Variants in CTNNA3 observed in about 807,000 individuals in gnomAD.
CTNNA3 encodes the protein catenin alpha-3.
CTNNA3 carries 76 observed loss-of-function variants against 95.7 expected under a neutral mutation model. The ratio of observed to expected loss-of-function variants is 0.79; its 90% CI spans 0.66 to 0.96. The LOEUF is 0.96. Among genes scored for constraint, CTNNA3 ranks in the 40% least tolerant of loss-of-function variants. The pLI is 0.00. For synonymous variants in CTNNA3, 431 were observed against 374.4 expected (o/e 1.15, Z -1.74); for missense variants, 1,191 against 1,089.8 (o/e 1.09, Z -1.31).
chr10:66,788,865 T>A (rs1840853792), intron 7 of CTNNA3, among the ~76,000 whole-genome samples: 1 of 152,166 alleles, frequency 6.6e-6, no homozygotes, highest in African/African-American at 2.4e-5. Flanking sequence ...CTTTCTTGCA[T>A]CTGGTTTAAG....
intron 5 of CTNNA3, among the ~76,000 whole-genome samples, chr10:67,311,657 T>C (rs1840806307): frequency 6.6e-6 from 1 of 151,054 alleles, no homozygotes; most frequent in Admixed American, 6.6e-5. Flanking sequence ...AAAAATTGAA[T>C]GTTTAGTAAA....
chr10:66,799,041 CA>C (rs1475174462), intron 7 of CTNNA3, among the ~76,000 whole-genome samples: 1 of 151,420 alleles, frequency 6.6e-6, no homozygotes, highest in Non-Finnish European at 1.5e-5. Context: ...AAGAAAAAAC[CA>C]CATGGCTTAA....
intron 5 of CTNNA3, among the ~76,000 whole-genome samples, chr10:67,520,406 A>G (rs1039623066): frequency 1.3e-5 from 2 of 152,188 alleles, no homozygotes; most frequent in Admixed American, 1.3e-4. Context: ...CGATAACAGA[A>G]GAGTACAGTG....
At position 67,614,959 on chromosome 10, in the gene CTNNA3, A is replaced by G. The variant is rs12570389; in HGVS notation, c.100-7910T>C. Among the ~76,000 whole-genome samples, 5,176 of 152,198 alleles carry G rather than the reference A, an allele frequency of 0.034. 616 individuals are homozygous for G. The East Asian group carries it at 0.43, about 13-fold the overall frequency. On this transcript the variant is annotated intron_variant, in intron 2 of 17. Coordinates refer to ENST00000433211, the MANE Select transcript of CTNNA3 (RefSeq NM_013266.4). Reference sequence around the variant, plus strand: ...CATCCTAATCTCTTCTGATAAGGACACCAGTCATATTGGATTAGGGCCCAC... The same window carrying G: ...CATCCTAATCTCTTCTGATAAGGACGCCAGTCATATTGGATTAGGGCCCAC...
chr10:66,895,447 C>A (rs7072747), intron 7 of CTNNA3, among the ~76,000 whole-genome samples: 29 of 151,878 alleles, frequency 1.9e-4, no homozygotes, highest in Admixed American at 4.6e-4. Flanking sequence ...GTTCATTAAG[C>A]GGGAAAATGT....
At chr10:67,705,671 T>C (rs1589576873) in intron 1 of CTNNA3, among the ~76,000 whole-genome samples, 1 of 146,858 alleles carries the variant, frequency 6.8e-6, no homozygotes, top group South Asian at 2.2e-4. Flanking sequence ...GAGATATACC[T>C]AATGCTAAAT....
At chr10:67,080,896 G>A (rs1046557057) in intron 7 of CTNNA3, among the ~76,000 whole-genome samples, 11 of 148,802 alleles carry the variant, frequency 7.4e-5, no homozygotes, top group Admixed American at 6.0e-4. Context: ...GCGAGAGAGC[G>A]AGACTCTGTC....
chr10:66,362,986 T>C (rs551821801), intron 12 of CTNNA3, among the ~76,000 whole-genome samples: 2 of 152,206 alleles, frequency 1.3e-5, no homozygotes, highest in Non-Finnish European at 2.9e-5. Context: ...ATTCCTTCAT[T>C]ATAAACTTAG....
At chr10:66,003,527 G>A (rs967873108) in intron 15 of CTNNA3, among the ~76,000 whole-genome samples, 1 of 152,018 alleles carries the variant, frequency 6.6e-6, no homozygotes, top group African/African-American at 2.4e-5. Flanking sequence ...CATGGAGGGG[G>A]AAAAATCCCA....
chr10:65,924,772 GT>G (rs1156848603), intron 17 of CTNNA3, among the ~76,000 whole-genome samples: 1 of 152,140 alleles, frequency 6.6e-6, no homozygotes, highest in Non-Finnish European at 1.5e-5. Context: ...AAGGAAAGAG[GT>G]TTAATTGACT....
intron 7 of CTNNA3, chr10:67,099,213 G>T (rs1330837012): frequency 6.6e-6 from 1 of 151,672 alleles, no homozygotes; most frequent in Admixed American, 6.6e-5. Flanking sequence ...ATCAAATTAA[G>T]AAAACCTGAG....
chr10:67,177,699 G>C (rs1434105194), intron 7 of CTNNA3, among the ~76,000 whole-genome samples: 1 of 152,166 alleles, frequency 6.6e-6, no homozygotes, highest in Non-Finnish European at 1.5e-5. Context: ...CATTAAAACT[G>C]ATGCAACAGC....
intron 11 of CTNNA3, among the ~76,000 whole-genome samples, chr10:66,410,756 C>G (rs1163392247): frequency 6.6e-6 from 1 of 152,192 alleles, no homozygotes; most frequent in Non-Finnish European, 1.5e-5. Flanking sequence ...TCTCCCATTA[C>G]CAGACACAAG....
At chr10:66,366,788 A>C (rs1227451233) in intron 12 of CTNNA3, among the ~76,000 whole-genome samples, 2 of 152,180 alleles carry the variant, frequency 1.3e-5, no homozygotes, top group Admixed American at 6.6e-5. Context: ...AAAACAGAGC[A>C]GTTAGCAACA....
chr10:66,050,542 C>T (rs2079928303), intron 15 of CTNNA3, among the ~76,000 whole-genome samples: 1 of 152,050 alleles, frequency 6.6e-6, no homozygotes, highest in Admixed American at 6.6e-5. Context: ...AGTGATCATC[C>T]TGCCTCAGCC....
intron 9 of CTNNA3, among the ~76,000 whole-genome samples, chr10:66,705,888 A>T (rs1848101005): frequency 6.6e-6 from 1 of 152,064 alleles, no homozygotes; most frequent in South Asian, 2.1e-4. Context: ...TCCATAAAGC[A>T]GGCATCCCTT....
chr10:67,231,731 C>G (rs191430757), intron 5 of CTNNA3, among the ~76,000 whole-genome samples: 1 of 152,106 alleles, frequency 6.6e-6, no homozygotes, highest in South Asian at 2.1e-4. Context: ...GGAGGACATT[C>G]AAACCAAAGG....
At chr10:67,228,356 G>A (rs925623060) in intron 5 of CTNNA3, among the ~76,000 whole-genome samples, 9 of 151,936 alleles carry the variant, frequency 5.9e-5, no homozygotes, top group African/African-American at 1.7e-4. Context: ...GGCTCACGCC[G>A]GTAATCCCAG....
At chr10:66,265,929 C>T (rs2091137594) in intron 13 of CTNNA3, among the ~76,000 whole-genome samples, 1 of 151,592 alleles carries the variant, frequency 6.6e-6, no homozygotes, top group South Asian at 2.1e-4. Context: ...CTCCATATGG[C>T]TAAGTGTTCG....
Sources: gnomAD v4.1 joint callset for allele counts (sites outside exome capture counted in the v4.1 genomes callset) on GRCh38, gnomAD v4.1.1 for gene constraint, MANE v1.5 for transcripts, NCBI Gene and HGNC (gene_info 2026-07-23, HGNC 2026-07-21) for gene names.